The following PTGER3 variants were observed in gnomAD, a reference collection of about 807,000 sequenced individuals.
PTGER3 encodes the protein prostaglandin E2 receptor EP3 subtype.
PTGER3 carries 22 observed loss-of-function variants against 34.7 expected under a neutral mutation model. The ratio of observed to expected loss-of-function variants is 0.63; its 90% CI spans 0.45 to 0.91. PTGER3 has a LOEUF of 0.91. Ranked by LOEUF, PTGER3 falls within the 40% of genes least tolerant of loss-of-function variation. The pLI is 0.00. For missense variants in PTGER3, 468 were observed against 519.4 expected (o/e 0.90, Z 0.96); for synonymous variants, 241 against 230.1 (o/e 1.05, Z -0.43).
intron 4 of PTGER3, among the ~76,000 whole-genome samples, chr1:70,915,500 TG>T (rs1647155476): frequency 6.6e-6 from 1 of 152,072 alleles, no homozygotes; most frequent in Non-Finnish European, 1.5e-5. Flanking sequence ...TCACTGAATT[TG>T]AAGTCAGATT....
At chr1:70,978,616 T>G (rs942342625) in intron 2 of PTGER3, among the ~76,000 whole-genome samples, 1 of 152,068 alleles carries the variant, frequency 6.6e-6, no homozygotes, top group Non-Finnish European at 1.5e-5. Flanking sequence ...GAGTGTGTGC[T>G]CTAGTTGGGA....
chr1:71,044,239 C>T (rs972836524), intron 1 of PTGER3, among the ~76,000 whole-genome samples: 1 of 151,496 alleles, frequency 6.6e-6, no homozygotes, highest in African/African-American at 2.4e-5. Context: ...GAGTTCGAGA[C>T]CAGCCTGGCC....
chr1:71,024,766 G>C (rs908798128), intron 1 of PTGER3, among the ~76,000 whole-genome samples: 1 of 150,606 alleles, frequency 6.6e-6, no homozygotes, highest in Non-Finnish European at 1.5e-5. Flanking sequence ...TGTTGACCAG[G>C]CTGGTCTTGA....
chr1:71,011,495 T>C (rs1028192412), intron 2 of PTGER3: 2 of 985,260 alleles, frequency 2.0e-6, no homozygotes, highest in South Asian at 4.7e-5. Flanking sequence ...GTCAGTTTCA[T>C]GAATCTTCCT....
chr1:70,969,835 C>G (rs1185525200), downstream of PTGER3, among the ~76,000 whole-genome samples: 1 of 152,126 alleles, frequency 6.6e-6, no homozygotes. Context: ...AGAAATAAGT[C>G]TGGGTAAAGA....
intron 4 of PTGER3, chr1:70,852,882 A>C: frequency 6.2e-7 from 1 of 1,610,360 alleles, no homozygotes; most frequent in Non-Finnish European, 8.5e-7. Flanking sequence ...CAAATCAATT[A>C]GGATAGCCAA....
At chr1:71,020,307 C>T (rs1658290448) in intron 1 of PTGER3, among the ~76,000 whole-genome samples, 1 of 152,058 alleles carries the variant, frequency 6.6e-6, no homozygotes, top group Non-Finnish European at 1.5e-5. Context: ...ATTACTACTA[C>T]GTAATTTTAT....
intron 4 of PTGER3, among the ~76,000 whole-genome samples, chr1:70,877,587 C>T (rs76065671): frequency 0.01 from 1,565 of 152,150 alleles, 27 homozygotes; most frequent in African/African-American, 0.035. Context: ...GTTGGCTATG[C>T]GTTTGTCATA....
In PTGER3 at chr1:71,011,441, G is replaced by A. The variant is rs1314390170; in HGVS notation, c.1077+864C>T. On this transcript the variant is annotated intron_variant, in intron 2 of 3. Transcript: ENST00000306666. ...GTACCTATAGTTAGTGCTCAAATCGGTCCTTACATAGCATTCTGAAAAACC... is the reference window on the plus strand; with the variant it reads ...GTACCTATAGTTAGTGCTCAAATCGATCCTTACATAGCATTCTGAAAAACC... 3.0e-6 allele frequency: 3 copies of A among 985,262 alleles called. No homozygotes were observed. The African/African-American group carries it at 5.2e-5, about 17-fold the overall frequency. 61.0% of individuals were successfully genotyped at this position (985,262 alleles called of 1,614,324 possible).
chr1:70,895,626 T>C (rs927861247), intron 4 of PTGER3, among the ~76,000 whole-genome samples: 15 of 152,312 alleles, frequency 9.8e-5, no homozygotes, highest in African/African-American at 3.6e-4. Flanking sequence ...GTCCCTGATG[T>C]GAGATTTCAC....
intron 2 of PTGER3, among the ~76,000 whole-genome samples, chr1:70,959,348 T>C (rs961266573): frequency 6.6e-5 from 7 of 105,894 alleles, no homozygotes; most frequent in African/African-American, 2.6e-4. Context: ...TTGTGTCCTC[T>C]TCAATTTTTT....
downstream of PTGER3, among the ~76,000 whole-genome samples, chr1:70,969,453 G>A (rs1652863748): frequency 6.6e-6 from 1 of 152,124 alleles, no homozygotes; most frequent in South Asian, 2.1e-4. Flanking sequence ...CAAGAGACCT[G>A]TGGAAAAAAA....
rs185805220 is a variant in PTGER3 at position 70,924,074 on chromosome 1, G to T, written c.*23+29689C>A. 2.8e-3 allele frequency among the ~76,000 whole-genome samples: 427 copies of T among 152,172 alleles called. 1 individual carries two copies. Among genetic ancestry groups the T allele is most frequent in the Non-Finnish European group, 3.8e-3 (258 of 68,012 alleles). On this transcript the variant is annotated intron_variant, in intron 4 of 4. Coordinates refer to the PTGER3 transcript ENST00000370931. ...AGTAAAGAACATCACAGGCCCAGGA[G>T]CCCCAAGTTATCTTGGGACCTCAAA...
chr1:71,008,318 A>G lies in PTGER3; in HGVS notation c.1077+3987T>C, dbSNP rs890185849. 2.7e-5 allele frequency: 23 copies of G among 865,968 alleles called. No individual in the cohort carries two copies. In the South Asian group the frequency reaches 1.1e-3, roughly 42 times the overall value. 53.6% of individuals were successfully genotyped at this position (865,968 alleles called of 1,614,324 possible). A position where few individuals can be genotyped will look rare whatever the true frequency, so the allele number is the denominator to read the frequency against. On this transcript the variant is annotated intron_variant, in intron 2 of 3. Coordinates refer to ENST00000306666, the MANE Select transcript of PTGER3 (RefSeq NM_198719.2). ...TGTGACATAAATAAATATAATACAT[A>G]TCTGATTGAATTATATTTCTAGAGA...
chr1:70,896,676 A>C (rs1646727665), intron 4 of PTGER3, among the ~76,000 whole-genome samples: 1 of 152,218 alleles, frequency 6.6e-6, no homozygotes, highest in Non-Finnish European at 1.5e-5. Flanking sequence ...ACTAGTTCTT[A>C]AAATCACAGA....
At chr1:70,962,025 T>G (rs192566174) in intron 2 of PTGER3, among the ~76,000 whole-genome samples, 8 of 152,308 alleles carry the variant, frequency 5.3e-5, no homozygotes, top group Admixed American at 5.2e-4. Flanking sequence ...CCTGATATAG[T>G]TTAGCTCTAA....
chr1:70,957,744 A>G (rs191988637), intron 2 of PTGER3, among the ~76,000 whole-genome samples: 1 of 152,224 alleles, frequency 6.6e-6, no homozygotes, highest in African/African-American at 2.4e-5. Context: ...ATGTAGTACA[A>G]TGTTATTTTT....
At chr1:70,946,498 A>G (rs570242657) in intron 4 of PTGER3, among the ~76,000 whole-genome samples, 1 of 152,270 alleles carries the variant, frequency 6.6e-6, no homozygotes, top group Non-Finnish European at 1.5e-5. Context: ...TAATAAAACA[A>G]TCTTGCTTCT....
intron 4 of PTGER3, among the ~76,000 whole-genome samples, chr1:70,909,320 T>C (rs560932028): frequency 6.6e-6 from 1 of 152,312 alleles, no homozygotes; most frequent in South Asian, 2.1e-4. Flanking sequence ...GTTGTTCCCT[T>C]AAGAGAAGCC....
Sources: gnomAD v4.1 joint callset for allele counts (sites outside exome capture counted in the v4.1 genomes callset) on GRCh38, gnomAD v4.1.1 for gene constraint, MANE v1.5 for transcripts, NCBI Gene and HGNC (gene_info 2026-07-23, HGNC 2026-07-21) for gene names.